Variants in PCDHGB3 observed in about 807,000 individuals in gnomAD.
PCDHGB3 encodes the protein protocadherin gamma subfamily B, 3.
Under a neutral mutation model 59.2 loss-of-function variants are expected in PCDHGB3, and 40 were observed. The ratio of observed to expected loss-of-function variants is 0.68; its 90% CI spans 0.52 to 0.88. The LOEUF is 0.88. Among genes scored for constraint, PCDHGB3 ranks in the 40% least tolerant of loss-of-function variants. PCDHGB3 has a pLI of 0.00. For synonymous variants in PCDHGB3, 581 were observed against 503.6 expected, an observed-to-expected ratio of 1.15 and a Z score of -2.06; for missense variants, 1,309 against 1,187.9, an observed-to-expected ratio of 1.10 and a Z score of -1.50.
intron 3 of PCDHGB3, 78 bp from the exon 4 acceptor site, chr5:141,510,869 T>C: frequency 9.3e-6 from 15 of 1,608,708 alleles, no homozygotes; most frequent in Non-Finnish European, 1.3e-5. Flanking sequence ...AGGCATTCAT[T>C]AACTGCTGGG....
Position 141,371,681 on chromosome 5 carries a change from T to A in PCDHGB3, c.1287T>A (p.Asn429Lys), listed in dbSNP as rs529874051. Residue 429 changes from asparagine to lysine, a missense_variant, in exon 1 of 4, where the codon AAT (asparagine) becomes AAA (lysine). Coordinates refer to ENST00000576222, the MANE Select transcript of PCDHGB3 (RefSeq NM_018924.5). ...CGATCACAGCTACCGACAAAGGCAATCCACCGCTCTCCTCCAGCAAGACCA... is the reference window on the plus strand; with the variant it reads ...CGATCACAGCTACCGACAAAGGCAAACCACCGCTCTCCTCCAGCAAGACCA... Reference protein sequence around the residue: ...NVTITATDKGNPPLSSSKTIT... With the variant: ...NVTITATDKGKPPLSSSKTIT... The A allele has an allele frequency of 1.7e-5, 27 of 1,613,832 alleles. No homozygotes were observed. Among genetic ancestry groups the A allele is most frequent in the Non-Finnish European group, 2.0e-5 (24 of 1,179,894 alleles).
At chr5:141,400,089 C>T (rs200160561) in intron 1 of PCDHGB3, 568 of 1,613,960 alleles carry the variant, frequency 3.5e-4, no homozygotes, top group Non-Finnish European at 4.6e-4. Flanking sequence ...CCGCCACCGC[C>T]ACGCTGCACT....
At chr5:141,442,452 CA>C (rs2098325918) in intron 1 of PCDHGB3, 1 of 152,226 alleles carries the variant, frequency 6.6e-6, no homozygotes, top group Admixed American at 6.5e-5. Flanking sequence ...GACTCAATAG[CA>C]GTTTCACTGC....
rs547854431 is a variant in PCDHGB3, at chr5:141,476,383, C to A, written c.2416-18424C>A. 1.2e-6 allele frequency: 2 copies of A among 1,614,102 alleles called. No homozygotes were observed. Among genetic ancestry groups the A allele is most frequent in the African/African-American group, 1.3e-5 (1 of 75,014 alleles). On this transcript the variant is annotated intron_variant, in intron 1 of 3. Transcript: ENST00000576222. The surrounding 1 kb of genome is among the most constrained non-coding windows in gnomAD (Gnocchi z 7.6). ...GGGAGACCGGAGAGATGTTTGTGAA[C>A]GACCGTCTGGATCGAGAGGAGCTGT...
intron 1 of PCDHGB3, among the ~76,000 whole-genome samples, chr5:141,450,976 C>T (rs2098702750): frequency 6.6e-6 from 1 of 152,032 alleles, no homozygotes; most frequent in Admixed American, 6.6e-5. Flanking sequence ...AGGCATGTGC[C>T]ACCACACCCG....
chr5:141,475,721 G>C (rs867365261), intron 1 of PCDHGB3, among the ~76,000 whole-genome samples: 5 of 152,248 alleles, frequency 3.3e-5, no homozygotes, highest in Non-Finnish European at 7.3e-5. Context: ...ACAGCCCCAA[G>C]GCTGGCTTTC....
chr5:141,419,645 G>T, intron 1 of PCDHGB3: 1 of 1,612,478 alleles, frequency 6.2e-7, no homozygotes, highest in African/African-American at 1.3e-5. Context: ...GGCCGTGGAC[G>T]CGGACTCGGG....
chr5:141,467,203 C>T (rs896621746), intron 1 of PCDHGB3, among the ~76,000 whole-genome samples: 1 of 152,052 alleles, frequency 6.6e-6, no homozygotes, highest in African/African-American at 2.4e-5. Flanking sequence ...CAGGCACATG[C>T]CACCATGCCT....
At chr5:141,391,253 T>C (rs1157052865) in intron 1 of PCDHGB3, 1 of 152,146 alleles carries the variant, frequency 6.6e-6, no homozygotes, top group Non-Finnish European at 1.5e-5. Flanking sequence ...AAGCAACTGC[T>C]TCAGTTAATG....
chr5:141,421,569 C>T (rs1029858235), intron 1 of PCDHGB3: 2 of 1,613,884 alleles, frequency 1.2e-6, no homozygotes, highest in Non-Finnish European at 1.7e-6. Flanking sequence ...TGGAAGACAC[C>T]TTGAAGATTT....
At chr5:141,410,254 C>G in intron 1 of PCDHGB3, 1 of 1,614,020 alleles carries the variant, frequency 6.2e-7, no homozygotes, top group Non-Finnish European at 8.5e-7. Flanking sequence ...TCTCTGACCC[C>G]CAGGCTGAAC....
At chr5:141,482,366 AT>A (rs1425349819) in intron 1 of PCDHGB3, among the ~76,000 whole-genome samples, 1 of 152,150 alleles carries the variant, frequency 6.6e-6, no homozygotes, top group Non-Finnish European at 1.5e-5. Flanking sequence ...GTGAAAAGTA[AT>A]GCATATAAAG....
At chr5:141,468,024 T>C (rs1386255481) in intron 1 of PCDHGB3, among the ~76,000 whole-genome samples, 1 of 152,046 alleles carries the variant, frequency 6.6e-6, no homozygotes, top group African/African-American at 2.4e-5. Flanking sequence ...TGAAGTAAAA[T>C]ACTTCATTTA....
intron 1 of PCDHGB3, chr5:141,415,385 C>T (rs1388093443): frequency 3.7e-6 from 6 of 1,614,228 alleles, no homozygotes; most frequent in Non-Finnish European, 5.1e-6. Flanking sequence ...GGCGGCTTGA[C>T]AGGTGTGTCC....
At chr5:141,374,163 C>T (rs764323551) in intron 1 of PCDHGB3, 3 of 1,612,724 alleles carry the variant, frequency 1.9e-6, no homozygotes, top group Admixed American at 1.7e-5. Context: ...TGGGGGGCCG[C>T]GGCAGCGCAG....
At chr5:141,507,132 C>T (rs748716107) in intron 3 of PCDHGB3, 2 of 152,188 alleles carry the variant, frequency 1.3e-5, no homozygotes, top group African/African-American at 2.4e-5. Flanking sequence ...GATCCAGCCT[C>T]GGCTTCTCTA....
intron 1 of PCDHGB3, chr5:141,394,595 G>A: frequency 6.2e-7 from 1 of 1,613,740 alleles, no homozygotes; most frequent in Non-Finnish European, 8.5e-7. Flanking sequence ...TGGTGGCGGT[G>A]GACAGAGACT....
chr5:141,427,099 A>G (rs989437547), intron 1 of PCDHGB3: 3 of 457,936 alleles, frequency 6.6e-6, no homozygotes, highest in African/African-American at 6.0e-5. Context: ...GAGGGTGTCA[A>G]TGCGGAGATC....
At chr5:141,502,907 G>C (rs1335363561) in intron 2 of PCDHGB3, among the ~76,000 whole-genome samples, 2 of 138,924 alleles carry the variant, frequency 1.4e-5, no homozygotes, top group Non-Finnish European at 3.0e-5. Context: ...CTGTTGCCAG[G>C]CTGGAGTGCA....
Sources: gnomAD v4.1 joint callset for allele counts (sites outside exome capture counted in the v4.1 genomes callset) on GRCh38, gnomAD v4.1.1 for gene constraint, Gnocchi (gnomAD v3.1) non-coding constraint, MANE v1.5 for transcripts, NCBI Gene and HGNC (gene_info 2026-07-23, HGNC 2026-07-21) for gene names.